TLK1: variants seen among roughly 807,000 people sequenced by gnomAD.
TLK1 encodes the protein tousled like kinase 1, also known as serine/threonine-protein kinase tousled-like 1.
TLK1 carries 24 observed loss-of-function variants against 105.3 expected under a neutral mutation model. The ratio of observed to expected loss-of-function variants is 0.23; its 90% CI spans 0.17 to 0.32. The LOEUF is 0.32. Ranked by LOEUF, TLK1 falls within the 10% of genes least tolerant of loss-of-function variation. The probability of loss-of-function intolerance (pLI) is 1.00; values close to 1 mark genes in which losing one functional copy is unlikely to be tolerated. For missense variants in TLK1, 558 were observed against 910.5 expected (o/e 0.61, Z 4.98); for synonymous variants, 321 against 310.4 (o/e 1.03, Z -0.36).
intron 1 of TLK1, among the ~76,000 whole-genome samples, chr2:171,152,509 G>T (rs1692081436): frequency 6.7e-6 from 1 of 148,790 alleles, no homozygotes; most frequent in Non-Finnish European, 1.5e-5. Flanking sequence ...TGCTACCAAA[G>T]GTTTTGTTAT....
intron 1 of TLK1, among the ~76,000 whole-genome samples, chr2:171,130,904 G>T (rs1454293036): frequency 1.3e-5 from 2 of 151,960 alleles, no homozygotes; most frequent in Non-Finnish European, 2.9e-5. Flanking sequence ...ATATAAATTA[G>T]CACATAATCC....
chr2:171,224,179 T>G (rs972209366), intron 1 of TLK1, among the ~76,000 whole-genome samples: 5 of 152,190 alleles, frequency 3.3e-5, no homozygotes, highest in Non-Finnish European at 5.9e-5. Context: ...ATCCAGTTTT[T>G]CTAGCACCAT....
intron 1 of TLK1, among the ~76,000 whole-genome samples, chr2:171,118,925 A>G (rs751364386): frequency 3.3e-5 from 5 of 152,118 alleles, no homozygotes; most frequent in Non-Finnish European, 5.9e-5. Context: ...CCACTCTTTC[A>G]TGCTTATTTG....
At position 170,993,784 on chromosome 2, in the gene TLK1, TA is replaced by T; in HGVS notation, c.2296del (p.Tyr766ThrfsTer9). The T allele has an allele frequency of 6.4e-7, 1 of 1,570,092 alleles. No homozygotes were observed. Among genetic ancestry groups the T allele is most frequent in the Non-Finnish European group, 8.6e-7 (1 of 1,158,360 alleles). ...CATGCCAATCTTGGAGGAAAGTCAG[TA>T]AGTAATTATGCTTGAAGAAGGGGGT... The part of the protein sequence containing the change: ...PTPPSSSIIT[Y>X] On this transcript the variant is annotated frameshift_variant, in exon 21 of 21. Transcript: ENST00000431350. LOFTEE classifies it high-confidence loss of function.
At chr2:171,012,750 T>C (rs1684980968) in intron 13 of TLK1, among the ~76,000 whole-genome samples, 1 of 152,204 alleles carries the variant, frequency 6.6e-6, no homozygotes, top group Non-Finnish European at 1.5e-5. Flanking sequence ...GTACTGCGAT[T>C]TCAGGTGTGA....
intron 1 of TLK1, among the ~76,000 whole-genome samples, chr2:171,134,120 AAC>A (rs1050692729): frequency 6.6e-5 from 10 of 152,198 alleles, no homozygotes; most frequent in African/African-American, 2.4e-4. Flanking sequence ...TTATCTGCTT[AAC>A]AGACAATTTG....
intron 3 of TLK1, among the ~76,000 whole-genome samples, chr2:171,080,471 A>AG (rs1363488890): frequency 1.7e-5 from 2 of 116,072 alleles, no homozygotes; most frequent in Non-Finnish European, 3.5e-5. Flanking sequence ...GAATTCATTA[A>AG]TTATCAACTA....
intron 11 of TLK1, among the ~76,000 whole-genome samples, chr2:171,031,856 T>C (rs13007415): frequency 0.2 from 29,829 of 152,220 alleles, 3,727 homozygotes; most frequent in Non-Finnish European, 0.28. Context: ...CTTAAAGACA[T>C]TCTGTTTAAG....
At chr2:171,041,477 C>G (rs1686672382) in intron 11 of TLK1, among the ~76,000 whole-genome samples, 1 of 152,222 alleles carries the variant, frequency 6.6e-6, no homozygotes, top group Non-Finnish European at 1.5e-5. Context: ...GGCTGCACAA[C>G]AGGTGGTGAG....
chr2:171,132,516 T>C (rs1458195707), intron 1 of TLK1, among the ~76,000 whole-genome samples: 1 of 152,220 alleles, frequency 6.6e-6, no homozygotes, highest in East Asian at 1.9e-4. Flanking sequence ...CATATTAATG[T>C]TAGTACTCTA....
At chr2:171,207,946 C>T (rs1421851672) in intron 1 of TLK1, among the ~76,000 whole-genome samples, 13 of 151,978 alleles carry the variant, frequency 8.6e-5, no homozygotes, top group Non-Finnish European at 1.9e-4. Flanking sequence ...AGGCTGGTCT[C>T]GAACTCCTGA....
intron 3 of TLK1, chr2:171,081,789 G>T: frequency 1.0e-6 from 1 of 962,014 alleles, no homozygotes; most frequent in Non-Finnish European, 1.5e-6. Flanking sequence ...AGAACTGCAC[G>T]AAACTGTCTA....
At chr2:171,115,170 CTTTCTTTT>C (rs1401536922) in intron 2 of TLK1, among the ~76,000 whole-genome samples, 7 of 135,770 alleles carry the variant, frequency 5.2e-5, no homozygotes, top group Admixed American at 1.5e-4. Context: ...TTAAGAATTT[CTTTCTTTT>C]TTTTTTTTTT....
chr2:171,026,591 T>C (rs1184195781), intron 12 of TLK1, among the ~76,000 whole-genome samples: 2 of 152,144 alleles, frequency 1.3e-5, no homozygotes, highest in Non-Finnish European at 2.9e-5. Context: ...TCAGTAAAAC[T>C]CTCAAGTACA....
intron 2 of TLK1, among the ~76,000 whole-genome samples, chr2:171,088,345 C>T (rs965772578): frequency 2.0e-5 from 3 of 152,112 alleles, no homozygotes; most frequent in Admixed American, 6.5e-5. Flanking sequence ...CCCCAAAAAA[C>T]AAAACCCATC....
At chr2:171,140,993 G>A (rs948980724) in intron 1 of TLK1, among the ~76,000 whole-genome samples, 11 of 152,146 alleles carry the variant, frequency 7.2e-5, no homozygotes, top group African/African-American at 1.9e-4. Context: ...GAGTCTGATG[G>A]CATATTAGAC....
intron 11 of TLK1, among the ~76,000 whole-genome samples, chr2:171,036,554 G>A (rs1686348470): frequency 6.6e-6 from 1 of 152,204 alleles, no homozygotes. Flanking sequence ...TCCAAATGGA[G>A]TTTGAATGGA....
chr2:171,065,420 A>G (rs1190783272), intron 3 of TLK1, among the ~76,000 whole-genome samples: 1 of 152,246 alleles, frequency 6.6e-6, no homozygotes, highest in Non-Finnish European at 1.5e-5. Flanking sequence ...AAGTTACTCT[A>G]ATATTAAATA....
chr2:171,199,633 C>T (rs1209758721), intron 1 of TLK1, among the ~76,000 whole-genome samples: 2 of 152,126 alleles, frequency 1.3e-5, no homozygotes, highest in Non-Finnish European at 2.9e-5. Flanking sequence ...GTGGATCTTC[C>T]TATAAGTGTG....
Sources: allele counts gnomAD v4.1 joint callset (sites outside exome capture counted in the v4.1 genomes callset), GRCh38; gene constraint gnomAD v4.1.1; transcripts MANE v1.5; gene names NCBI Gene and HGNC (gene_info 2026-07-23, HGNC 2026-07-21).